TBC1D5: variants seen among roughly 807,000 people sequenced by gnomAD.
TBC1D5 encodes TBC1 domain family member 5.
In TBC1D5, 75 loss-of-function variants were observed where a neutral mutation model predicts 100.3. The observed-to-expected ratio is 0.75, with a 90% CI of 0.62 to 0.91. The LOEUF (loss-of-function observed/expected upper bound fraction) is 0.91. Among genes scored for constraint, TBC1D5 ranks in the 40% least tolerant of loss-of-function variants. The pLI is 0.00. For synonymous variants in TBC1D5, 323 were observed against 325.6 expected, an observed-to-expected ratio of 0.99 and a Z score of 0.09; for missense variants, 910 against 942.4, an observed-to-expected ratio of 0.97 and a Z score of 0.45.
intron 17 of TBC1D5, among the ~76,000 whole-genome samples, chr3:17,226,392 A>G (rs1255959851): frequency 6.6e-6 from 1 of 150,672 alleles, no homozygotes; most frequent in East Asian, 1.9e-4. Flanking sequence ...TTAGGGGCAC[A>G]TTCTAAAATA....
chr3:17,633,414 C>T (rs964490499), intron 1 of TBC1D5, among the ~76,000 whole-genome samples: 4 of 152,056 alleles, frequency 2.6e-5, no homozygotes, highest in African/African-American at 9.7e-5. Context: ...ACAGCCCGCT[C>T]CAACAACAGC....
At chr3:17,648,499 G>A (rs2065219575) in intron 1 of TBC1D5, among the ~76,000 whole-genome samples, 2 of 152,138 alleles carry the variant, frequency 1.3e-5, no homozygotes, top group African/African-American at 2.4e-5. Context: ...AAACTTAAAA[G>A]CTTCTGCACA....
At chr3:17,644,122 T>A (rs1045660024) in intron 1 of TBC1D5, 3 of 152,128 alleles carry the variant, frequency 2.0e-5, no homozygotes, top group African/African-American at 7.2e-5. Context: ...GATGAGGACC[T>A]GCAAACATGA....
chr3:17,166,431 G>A (rs1281429817), intron 21 of TBC1D5, among the ~76,000 whole-genome samples: 1 of 152,218 alleles, frequency 6.6e-6, no homozygotes, highest in African/African-American at 2.4e-5. Context: ...AGAGGCATCA[G>A]CTGGAGGCAA....
intron 18 of TBC1D5, among the ~76,000 whole-genome samples, chr3:17,212,308 T>C (rs1427304614): frequency 6.6e-6 from 1 of 152,174 alleles, no homozygotes; most frequent in Admixed American, 6.5e-5. Flanking sequence ...AGTGACATCA[T>C]AGCTGTCATA....
intron 3 of TBC1D5, among the ~76,000 whole-genome samples, chr3:17,489,911 T>C (rs1314065505): frequency 1.3e-5 from 2 of 152,184 alleles, no homozygotes; most frequent in African/African-American, 4.8e-5. Context: ...TTTCTGCCTT[T>C]AGGTCTTTGA....
intron 3 of TBC1D5, among the ~76,000 whole-genome samples, chr3:17,469,828 G>A (rs1009560478): frequency 1.3e-5 from 2 of 152,202 alleles, no homozygotes; most frequent in Non-Finnish European, 2.9e-5. Flanking sequence ...AATGAATTAC[G>A]ATGACCCGAT....
chr3:17,644,915 A>C (rs2064874652), intron 1 of TBC1D5, among the ~76,000 whole-genome samples: 1 of 151,910 alleles, frequency 6.6e-6, no homozygotes, highest in Admixed American at 6.6e-5. Flanking sequence ...TTGGGTGAAA[A>C]TTTTAATTTA....
intron 17 of TBC1D5, among the ~76,000 whole-genome samples, chr3:17,218,871 A>G (rs1039033594): frequency 6.6e-6 from 1 of 151,888 alleles, no homozygotes; most frequent in African/African-American, 2.4e-5. Context: ...TGACTATGAT[A>G]TATCTAGGTG....
At chr3:17,734,452 T>C (rs1021215657) in intron 1 of TBC1D5, among the ~76,000 whole-genome samples, 1 of 152,170 alleles carries the variant, frequency 6.6e-6, no homozygotes, top group Non-Finnish European at 1.5e-5. Context: ...CTTCATACTG[T>C]ACAACTAAAC....
intron 15 of TBC1D5, among the ~76,000 whole-genome samples, chr3:17,282,454 T>G (rs1300104461): frequency 6.6e-6 from 1 of 152,246 alleles, no homozygotes; most frequent in Non-Finnish European, 1.5e-5. Flanking sequence ...TTGTAGATTA[T>G]TCTTTGCTTA....
At chr3:17,736,894 T>C (rs1577921294) in intron 1 of TBC1D5, among the ~76,000 whole-genome samples, 1 of 152,006 alleles carries the variant, frequency 6.6e-6, no homozygotes, top group Admixed American at 6.6e-5. Context: ...GTACCTATAG[T>C]CCCAGCCACT....
At chr3:17,234,141 C>T (rs527288460) in intron 17 of TBC1D5, among the ~76,000 whole-genome samples, 19 of 151,998 alleles carry the variant, frequency 1.3e-4, no homozygotes, top group African/African-American at 4.3e-4. Flanking sequence ...AATTGATTTC[C>T]TCCTATATCA....
chr3:17,306,064 G>A (rs560158697), intron 14 of TBC1D5, among the ~76,000 whole-genome samples: 2 of 152,282 alleles, frequency 1.3e-5, no homozygotes, highest in South Asian at 4.1e-4. Flanking sequence ...ATACCAAACA[G>A]CTTATAGAAA....
At chr3:17,611,760 T>C (rs905563624) in intron 2 of TBC1D5, among the ~76,000 whole-genome samples, 2 of 152,158 alleles carry the variant, frequency 1.3e-5, no homozygotes, top group Non-Finnish European at 2.9e-5. Flanking sequence ...GATAAGTCCT[T>C]CAAAAAAGTT....
intron 18 of TBC1D5, among the ~76,000 whole-genome samples, chr3:17,211,938 C>T (rs1268477170): frequency 6.6e-6 from 1 of 152,136 alleles, no homozygotes; most frequent in African/African-American, 2.4e-5. Flanking sequence ...GTAAACTCTT[C>T]AGAGAGCAAA....
At chr3:17,180,607 A>C (rs920218868) in intron 19 of TBC1D5, among the ~76,000 whole-genome samples, 2 of 152,224 alleles carry the variant, frequency 1.3e-5, no homozygotes, top group African/African-American at 4.8e-5. Context: ...AAAAAGAATG[A>C]AATCATGTCT....
chr3:17,243,796 T>G (rs2596637), intron 16 of TBC1D5, among the ~76,000 whole-genome samples: 59,981 of 151,948 alleles, frequency 0.39, 12,580 homozygotes, highest in Middle Eastern at 0.5. Context: ...GTGATGACAC[T>G]GAAGAAAATT....
intron 4 of TBC1D5, among the ~76,000 whole-genome samples, chr3:17,421,596 G>A (rs2094209343): frequency 6.6e-6 from 1 of 152,044 alleles, no homozygotes; most frequent in Admixed American, 6.6e-5. Flanking sequence ...AAAAGAGAGA[G>A]GGAAAGAAAA....
Sources: gnomAD v4.1 joint callset for allele counts (sites outside exome capture counted in the v4.1 genomes callset) on GRCh38, gnomAD v4.1.1 for gene constraint, MANE v1.5 for transcripts, NCBI Gene and HGNC (gene_info 2026-07-23, HGNC 2026-07-21) for gene names.